CEBPZOS: variants seen among roughly 807,000 people sequenced by gnomAD.
CEBPZOS encodes the protein CEBPZ opposite strand, also known as protein CEBPZOS.
Under a neutral mutation model 4.8 loss-of-function variants are expected in CEBPZOS, and 10 were observed. The observed-to-expected ratio is 2.07, with a 90% CI of 1.28 to 3.52. The LOEUF (loss-of-function observed/expected upper bound fraction) is 3.52. Ranked by LOEUF, CEBPZOS falls within the 30% of genes most tolerant of loss-of-function variation. The pLI is 0.00. For synonymous variants in CEBPZOS, 25 were observed against 14.2 expected, an observed-to-expected ratio of 1.77 and a Z score of -1.72; for missense variants, 98 against 43.6, an observed-to-expected ratio of 2.25 and a Z score of -3.51.
chr2:37,213,503 C>A lies in CEBPZOS; in HGVS notation c.*69C>A, dbSNP rs575391156. The A allele has an allele frequency of 4.8e-5, 8 of 166,756 alleles. No individual in the cohort carries two copies. In the East Asian group the frequency reaches 1.5e-3, roughly 31 times the overall value. 10.3% of individuals were successfully genotyped at this position (166,756 alleles called of 1,614,324 possible). On this transcript the variant is annotated 3_prime_UTR_variant, in exon 5 of 5. Transcript: ENST00000397064. ...CTTGGCTCACGGCAACCTCTGACTCCTGGATTCAAGCGATTCTCGTGCCTC... is the reference window on the plus strand; with the variant it reads ...CTTGGCTCACGGCAACCTCTGACTCATGGATTCAAGCGATTCTCGTGCCTC...
intron 1 of CEBPZOS, among the ~76,000 whole-genome samples, chr2:37,197,835 C>T (rs1490337719): frequency 6.6e-6 from 1 of 151,872 alleles, no homozygotes; most frequent in Non-Finnish European, 1.5e-5. Context: ...CACTGCACTC[C>T]TGCCTGGGAG....
downstream of CEBPZOS, among the ~76,000 whole-genome samples, chr2:37,205,784 G>A (rs975914013): frequency 3.3e-5 from 5 of 152,198 alleles, no homozygotes; most frequent in Admixed American, 3.3e-4. Context: ...ACTGTCACCT[G>A]ATACAGCACT....
chr2:37,209,716 G>A (rs1677658364), downstream of CEBPZOS: 1 of 152,110 alleles, frequency 6.6e-6, no homozygotes, highest in Non-Finnish European at 1.5e-5. Flanking sequence ...AACTCTTCTA[G>A]ACATTGGCTT....
Position 37,204,278 on chromosome 2 carries a change from T to C in CEBPZOS, c.*2418T>C, listed in dbSNP as rs1677439896. On this transcript the variant is annotated 3_prime_UTR_variant, in exon 5 of 5. Coordinates refer to ENST00000402297, the MANE Select transcript of CEBPZOS (RefSeq NM_001322374.2). Reference sequence around the variant, plus strand: ...AACACCATGCCTGGCTAATTTTTGATTTTTTTTTTTTTTTTTTTGAGACAG... The same window carrying C: ...AACACCATGCCTGGCTAATTTTTGACTTTTTTTTTTTTTTTTTTGAGACAG... 1 of 51,614 alleles carries C rather than the reference T, an allele frequency of 1.9e-5. No individual in the cohort carries two copies. The highest frequency in any genetic ancestry group is 1.9e-4 in the Admixed American group (1 of 5,236). The allele number at this position is 51,614 out of a possible 1,614,324, so 3.2% of individuals were successfully genotyped here.
chr2:37,215,953 A>C (rs1222965640), downstream of CEBPZOS, among the ~76,000 whole-genome samples: 1 of 118,304 alleles, frequency 8.5e-6, no homozygotes, highest in Non-Finnish European at 1.9e-5. Flanking sequence ...AATAAAGTTA[A>C]AAAAAAAAAA....
chr2:37,208,080 A>G (rs962103606), downstream of CEBPZOS, among the ~76,000 whole-genome samples: 2 of 152,184 alleles, frequency 1.3e-5, no homozygotes, highest in African/African-American at 4.8e-5. Flanking sequence ...GAAATATACA[A>G]CCCTTCTAGA....
At position 37,203,708 on chromosome 2, in the gene CEBPZOS, T is replaced by C. The variant is rs1346468876; in HGVS notation, c.*1848T>C. 6.6e-6 allele frequency: 1 copy of C among 152,266 alleles called. No individual in the cohort carries two copies. The highest frequency in any genetic ancestry group is 1.5e-5 in the Non-Finnish European group (1 of 68,040). 9.4% of individuals were successfully genotyped at this position (152,266 alleles called of 1,614,324 possible). A position where few individuals can be genotyped will look rare whatever the true frequency, so the allele number is the denominator to read the frequency against. On this transcript the variant is annotated 3_prime_UTR_variant, in exon 5 of 5. Coordinates refer to ENST00000402297, the MANE Select transcript of CEBPZOS (RefSeq NM_001322374.2). ...CATTTCCATCAACTTCAAAGATCCC[T>C]GGTGCCATTTGTAGTCCTCCAACCC...
chr2:37,202,870 T>G lies in CEBPZOS; in HGVS notation c.*1010T>G. The G allele has an allele frequency of 2.5e-6, 4 of 1,598,620 alleles. No individual in the cohort carries two copies. Among genetic ancestry groups the G allele is most frequent in the Non-Finnish European group, 3.4e-6 (4 of 1,172,770 alleles). ...TTCATCCAATAGATGGCCAAACTTT[T>G]AAACAAAAACGATAAATTTATTAGA... On this transcript the variant is annotated 3_prime_UTR_variant, in exon 5 of 5. Coordinates refer to ENST00000402297, the MANE Select transcript of CEBPZOS (RefSeq NM_001322374.2).
At position 37,204,366 on chromosome 2, in the gene CEBPZOS, C is replaced by T. The variant is rs1044615124; in HGVS notation, c.*2506C>T. 6.6e-6 allele frequency: 1 copy of T among 151,540 alleles called. No individual in the cohort carries two copies. Among genetic ancestry groups the T allele is most frequent in the Non-Finnish European group, 1.5e-5 (1 of 68,188 alleles). 9.4% of individuals were successfully genotyped at this position (151,540 alleles called of 1,614,324 possible). On this transcript the variant is annotated 3_prime_UTR_variant, in exon 5 of 5. Coordinates refer to ENST00000402297, the MANE Select transcript of CEBPZOS (RefSeq NM_001322374.2). ...GATCTCGGCTCACTGCAACCTCTGC[C>T]TTCTGGGTTCAAGCGATTCTCCTGC...
chr2:37,212,739 C>A, intron 4 of CEBPZOS: 1 of 214,494 alleles, frequency 4.7e-6, no homozygotes, highest in Non-Finnish European at 9.2e-6. Flanking sequence ...AGGTGTGATA[C>A]AATATGTAAC....
rs143136564 is a variant in CEBPZOS, at chr2:37,202,880, C to T, written c.*1020C>T. The stretch of plus-strand genomic sequence containing the variant: ...AGATGGCCAAACTTTTAAACAAAAA[C>T]GATAAATTTATTAGAAAACTAAAAA... On this transcript the variant is annotated 3_prime_UTR_variant, in exon 5 of 5. Transcript: ENST00000402297. 2.1e-4 allele frequency: 331 copies of T among 1,593,796 alleles called. 1 individual carries two copies. The African/African-American group carries it at 3.6e-3, about 17-fold the overall frequency.
downstream of CEBPZOS, among the ~76,000 whole-genome samples, chr2:37,208,231 G>A (rs915145545): frequency 6.6e-6 from 1 of 152,066 alleles, no homozygotes; most frequent in African/African-American, 2.4e-5. Context: ...TCAAAGAACT[G>A]GTACCAATCC....
rs528334367 is a variant in CEBPZOS, at chr2:37,201,038, T to A, written c.116-10T>A. 4.3e-4 allele frequency: 311 copies of A among 715,496 alleles called. No homozygotes were observed. The highest frequency in any genetic ancestry group is 7.0e-4 in the Non-Finnish European group (269 of 384,520). 44.3% of individuals were successfully genotyped at this position (715,496 alleles called of 1,614,324 possible). A position where few individuals can be genotyped will look rare whatever the true frequency, so the allele number is the denominator to read the frequency against. On this transcript the variant is annotated splice_polypyrimidine_tract_variant and intron_variant, in intron 2 of 4. Transcript: ENST00000402297. ...CATATCTAATTTCAAGACATCCTTT[T>A]TTCCATCAGATTTCAGGCAAACAAT...
In CEBPZOS at chr2:37,202,818, A is replaced by G; in HGVS notation, c.*958A>G. 1 of 1,599,474 alleles carries G rather than the reference A, an allele frequency of 6.3e-7. No homozygotes were observed. The highest frequency in any genetic ancestry group is 8.5e-7 in the Non-Finnish European group (1 of 1,173,468). Reference sequence around the variant, plus strand: ...CTTTGTTAGCCATGGCATTCATGCCAATGTTATCAAACTTGGATCCCATAT... The same window carrying G: ...CTTTGTTAGCCATGGCATTCATGCCGATGTTATCAAACTTGGATCCCATAT... On this transcript the variant is annotated 3_prime_UTR_variant, in exon 5 of 5. Coordinates refer to ENST00000402297, the MANE Select transcript of CEBPZOS (RefSeq NM_001322374.2).
In CEBPZOS at chr2:37,202,775, GTTAC is replaced by G; in HGVS notation, c.*922_*925del. On this transcript the variant is annotated 3_prime_UTR_variant, in exon 5 of 5. Transcript: ENST00000402297. ...TTAAAACATCAATAAAAAAATTTAA[GTTAC>G]TTACTTGCATTATCTTTGTTAGCCA... The G allele has an allele frequency of 6.8e-7, 1 of 1,472,234 alleles. No individual in the cohort carries two copies. Among genetic ancestry groups the G allele is most frequent in the Non-Finnish European group, 9.1e-7 (1 of 1,099,820 alleles). 91.2% of individuals were successfully genotyped at this position (1,472,234 alleles called of 1,614,324 possible).
At chr2:37,213,806 A>G (rs1677798397), downstream of CEBPZOS, 1 of 1,140,018 alleles carries the variant, frequency 8.8e-7, no homozygotes, top group Non-Finnish European at 1.3e-6. Flanking sequence ...CTAATGTTCC[A>G]TGGTCTATTA....
chr2:37,202,131 A>G lies in CEBPZOS; in HGVS notation c.*271A>G, dbSNP rs1477748274. 3.0e-6 allele frequency: 1 copy of G among 334,800 alleles called. No individual in the cohort carries two copies. The highest frequency in any genetic ancestry group is 2.1e-5 in the African/African-American group (1 of 47,076). 20.7% of individuals were successfully genotyped at this position (334,800 alleles called of 1,614,324 possible). ...GAAGGAAAAGAAACAAATGCTCTAA[A>G]GATTTTCTCTCCCCAAGCACTTTTA... On this transcript the variant is annotated 3_prime_UTR_variant, in exon 5 of 5. Coordinates refer to ENST00000402297, the MANE Select transcript of CEBPZOS (RefSeq NM_001322374.2).
Position 37,199,665 on chromosome 2 carries a change from T to C in CEBPZOS, c.-1-39T>C, listed in dbSNP as rs547111823. On this transcript the variant is annotated intron_variant, in intron 1 of 4. Coordinates refer to ENST00000402297, the MANE Select transcript of CEBPZOS (RefSeq NM_001322374.2). Reference sequence around the variant, plus strand: ...AGAAATGATAATAGTAGTTTAAGTATGTTCATTCAGGTTTACACATATCTG... The same window carrying C: ...AGAAATGATAATAGTAGTTTAAGTACGTTCATTCAGGTTTACACATATCTG... 757 of 700,266 alleles carry C rather than the reference T, an allele frequency of 1.1e-3. 10 individuals are homozygous for C. The South Asian group carries it at 0.011, about 10-fold the overall frequency. 43.4% of individuals were successfully genotyped at this position (700,266 alleles called of 1,614,324 possible). A position where few individuals can be genotyped will look rare whatever the true frequency, so the allele number is the denominator to read the frequency against.
At position 37,203,178 on chromosome 2, in the gene CEBPZOS, T is replaced by C; in HGVS notation, c.*1318T>C. 2.2e-6 allele frequency: 1 copy of C among 458,996 alleles called. No homozygotes were observed. Among genetic ancestry groups the C allele is most frequent in the African/African-American group, 2.0e-5 (1 of 49,346 alleles). 28.4% of individuals were successfully genotyped at this position (458,996 alleles called of 1,614,324 possible). Reference sequence around the variant, plus strand: ...TAAATATAATTTAAGAGTTAGTATATAATATTTTCAAAAAGCTAACAACAT... The same window carrying C: ...TAAATATAATTTAAGAGTTAGTATACAATATTTTCAAAAAGCTAACAACAT... On this transcript the variant is annotated 3_prime_UTR_variant, in exon 5 of 5. Transcript: ENST00000402297.
Sources: gnomAD v4.1 joint callset for allele counts (sites outside exome capture counted in the v4.1 genomes callset) on GRCh38, gnomAD v4.1.1 for gene constraint, MANE v1.5 for transcripts, NCBI Gene and HGNC (gene_info 2026-07-23, HGNC 2026-07-21) for gene names.